Variants in DLG1 observed in about 807,000 individuals in gnomAD.
DLG1 encodes disks large homolog 1.
DLG1 carries 42 observed loss-of-function variants against 123.4 expected under a neutral mutation model. The ratio of observed to expected loss-of-function variants is 0.34; its 90% CI spans 0.27 to 0.44. DLG1 has a LOEUF of 0.44. DLG1 is among the 20% of genes least tolerant of loss of function. The pLI is 1.00. For missense variants in DLG1, 942 were observed against 1,082.6 expected (o/e 0.87, Z 1.82); for synonymous variants, 317 against 356.2 (o/e 0.89, Z 1.24).
At chr3:197,111,333 T>C (rs992882895) in intron 13 of DLG1, among the ~76,000 whole-genome samples, 1 of 152,144 alleles carries the variant, frequency 6.6e-6, no homozygotes, top group South Asian at 2.1e-4. Context: ...TAGCACTGTA[T>C]CAATGACCTA....
chr3:197,182,695 T>G (rs1713050851), intron 5 of DLG1, among the ~76,000 whole-genome samples: 1 of 73,906 alleles, frequency 1.4e-5, no homozygotes, highest in South Asian at 5.1e-4. Context: ...AAATGCATTC[T>G]CAACTTGTTT....
At chr3:197,065,864 A>G (rs183861875) in intron 20 of DLG1, 55 bp from the exon 21 acceptor site, 36 of 1,168,686 alleles carry the variant, frequency 3.1e-5, no homozygotes, top group Middle Eastern at 4.7e-4. Flanking sequence ...ATATCAATGT[A>G]TTTTATTTCA....
At chr3:197,209,790 A>C (rs1730390324) in intron 4 of DLG1, among the ~76,000 whole-genome samples, 1 of 146,808 alleles carries the variant, frequency 6.8e-6, no homozygotes, top group Non-Finnish European at 1.5e-5. Context: ...AGGAAATCAG[A>C]AACAATTCAG....
chr3:197,261,355 T>C (rs563787272), intron 4 of DLG1, among the ~76,000 whole-genome samples: 183 of 152,346 alleles, frequency 1.2e-3, no homozygotes, highest in African/African-American at 4.2e-3. Context: ...AACTGGACAA[T>C]GGCTTGAGCC....
At chr3:197,150,458 T>C (rs1302709835) in intron 5 of DLG1, among the ~76,000 whole-genome samples, 1 of 152,142 alleles carries the variant, frequency 6.6e-6, no homozygotes, top group Non-Finnish European at 1.5e-5. Context: ...GGTTAGAAAT[T>C]ATTATGTATA....
chr3:197,094,851 T>G (rs984328401), intron 14 of DLG1, among the ~76,000 whole-genome samples: 1 of 152,192 alleles, frequency 6.6e-6, no homozygotes. Context: ...TTCTATAAAC[T>G]GAGAACAACG....
chr3:197,231,921 CA>C (rs1432617518), intron 4 of DLG1, among the ~76,000 whole-genome samples: 3 of 93,670 alleles, frequency 3.2e-5, no homozygotes, highest in African/African-American at 1.2e-4. Context: ...AAGAAATGAA[CA>C]AATTAAACTG....
At chr3:197,168,646 C>T (rs1445869457) in intron 5 of DLG1, among the ~76,000 whole-genome samples, 9 of 152,222 alleles carry the variant, frequency 5.9e-5, no homozygotes, top group Non-Finnish European at 7.3e-5. Context: ...TTCAGTATGG[C>T]ATTTTAAACT....
At position 197,289,338 on chromosome 3, in the gene DLG1, G is replaced by GCACACA. The variant is rs996963098; in HGVS notation, c.152-6494_152-6493insTGTGTG. On this transcript the variant is annotated intron_variant, in intron 3 of 24. Coordinates refer to ENST00000667157, the MANE Select transcript of DLG1 (RefSeq NM_001366207.1). ...GGTGGGGGGTGGCGTGTATACACGC[G>GCACACA]CATACACACACACACACACACACAC... is the stretch of plus-strand genomic sequence containing the variant. 5.7e-4 allele frequency among the ~76,000 whole-genome samples: 40 copies of GCACACA among 69,978 alleles called. No individual in the cohort carries two copies. The East Asian group carries it at 0.014, about 25-fold the overall frequency. The allele number at this position is 69,978 out of a possible 152,430, so 45.9% of individuals were successfully genotyped here. A position where few individuals can be genotyped will look rare whatever the true frequency, so the allele number is the denominator to read the frequency against.
intron 3 of DLG1, among the ~76,000 whole-genome samples, chr3:197,284,176 T>C (rs150313285): frequency 3.2e-4 from 49 of 152,202 alleles, no homozygotes; most frequent in African/African-American, 1.1e-3. Flanking sequence ...TCAGTTTTAA[T>C]AACCAGTGGA....
chr3:197,246,414 G>C (rs757063073), intron 4 of DLG1, among the ~76,000 whole-genome samples: 6 of 152,192 alleles, frequency 3.9e-5, no homozygotes, highest in Non-Finnish European at 5.9e-5. Flanking sequence ...TCTTTAGTAA[G>C]GGAGCTTCAC....
At chr3:197,138,183 A>T in intron 9 of DLG1, 39 bp downstream of exon 9, 6 of 1,300,702 alleles carry the variant, frequency 4.6e-6, no homozygotes, top group Non-Finnish European at 6.2e-6. Context: ...TAACTCAGAG[A>T]TTTCTTAAAG....
chr3:197,135,482 C>A (rs948463875), intron 10 of DLG1, among the ~76,000 whole-genome samples: 1 of 152,214 alleles, frequency 6.6e-6, no homozygotes, highest in Non-Finnish European at 1.5e-5. Flanking sequence ...TCCACCATGA[C>A]TGTAAGTTTC....
intron 24 of DLG1, among the ~76,000 whole-genome samples, chr3:197,050,378 A>G (rs936736815): frequency 2.0e-5 from 3 of 151,998 alleles, no homozygotes; most frequent in African/African-American, 4.8e-5. Flanking sequence ...AAAAAAAACA[A>G]CAACAAAAAA....
chr3:197,263,967 T>C (rs941810113), intron 4 of DLG1, among the ~76,000 whole-genome samples: 5 of 152,192 alleles, frequency 3.3e-5, no homozygotes, highest in African/African-American at 1.2e-4. Context: ...AAATTAGACA[T>C]TCCATTTTCC....
intron 1 of DLG1, chr3:197,297,905 G>T (rs944222879): frequency 1.8e-4 from 181 of 984,378 alleles, no homozygotes; most frequent in Non-Finnish European, 2.1e-4. Context: ...CCCGCCCGGG[G>T]CCCGCGGAGC....
rs1316803968 is a variant in DLG1 at position 197,142,766 on chromosome 3, A to C, written c.540T>G (p.Val180=). The change falls in exon 7 of 25, where the codon GTT becomes GTG. Residue 180 remains valine, a splice_region_variant and synonymous_variant. Transcript: ENST00000667157. ...NTDSLETPTY[V]NGTDADYEYE... is the part of the protein sequence containing the mutation. Reference sequence around the variant, plus strand: ...ATTCATAATCTGCATCTGTGCCATTAACCTACAGGGGAAAAGAAAAGCAGC... The same window carrying C: ...ATTCATAATCTGCATCTGTGCCATTCACCTACAGGGGAAAAGAAAAGCAGC... 1.9e-6 allele frequency: 3 copies of C among 1,606,172 alleles called. No individual in the cohort carries two copies. The highest frequency in any genetic ancestry group is 2.5e-6 in the Non-Finnish European group (3 of 1,177,684).
chr3:197,096,572 C>A (rs1401308563), intron 14 of DLG1, among the ~76,000 whole-genome samples: 2 of 152,178 alleles, frequency 1.3e-5, no homozygotes, highest in Non-Finnish European at 2.9e-5. Flanking sequence ...CTAAATTGAT[C>A]AAGTTGTAGA....
chr3:197,103,204 C>A (rs1023959240), intron 14 of DLG1, among the ~76,000 whole-genome samples: 1 of 152,116 alleles, frequency 6.6e-6, no homozygotes, highest in Non-Finnish European at 1.5e-5. Flanking sequence ...CTTGGTTGTC[C>A]AGGTATCATA....
Sources: allele counts gnomAD v4.1 joint callset (sites outside exome capture counted in the v4.1 genomes callset), GRCh38; gene constraint gnomAD v4.1.1; transcripts MANE v1.5; gene names NCBI Gene and HGNC (gene_info 2026-07-23, HGNC 2026-07-21).